The following MTURN variants were observed in gnomAD, a reference collection of about 807,000 sequenced individuals.
The protein encoded by MTURN is maturin, neural progenitor differentiation regulator homolog.
In MTURN, 7 loss-of-function variants were observed where a neutral mutation model predicts 14.9. That is an observed-to-expected ratio of 0.47 (90% CI 0.27 to 0.88). The LOEUF (loss-of-function observed/expected upper bound fraction) is 0.88. Among genes scored for constraint, MTURN ranks in the 40% least tolerant of loss-of-function variants. The pLI is 0.14. For missense variants in MTURN, 151 were observed against 174.1 expected (o/e 0.87, Z 0.75); for synonymous variants, 69 against 72.5 (o/e 0.95, Z 0.25).
At chr7:30,152,165 T>C (rs75882803) in intron 2 of MTURN, among the ~76,000 whole-genome samples, 1 of 144,690 alleles carries the variant, frequency 6.9e-6, no homozygotes, top group Non-Finnish European at 1.5e-5. Flanking sequence ...TTTTTTTTTT[T>C]CTCATTCATG....
Position 30,150,429 on chromosome 7 carries a change from C to T in MTURN, c.285+4130C>T, listed in dbSNP as rs77600187. ...AAGCATTCACTGAGTACCTGATCCA[C>T]ACGACTCACTGTGCTAGAGGCTAGG... is the stretch of plus-strand genomic sequence containing the variant. On this transcript the variant is annotated intron_variant, in intron 2 of 2. Coordinates refer to ENST00000324453, the MANE Select transcript of MTURN (RefSeq NM_152793.3). Among the ~76,000 whole-genome samples the T allele has an allele frequency of 2.1e-3, 314 of 152,354 alleles. 7 individuals carry two copies. In the East Asian group the frequency reaches 0.035, roughly 17 times the overall value.
chr7:30,156,508 T>C (rs540801051), intron 2 of MTURN, among the ~76,000 whole-genome samples: 1 of 151,912 alleles, frequency 6.6e-6, no homozygotes, highest in African/African-American at 2.4e-5. Context: ...CTATTAAAAA[T>C]ATATATATAC....
intron 1 of MTURN, chr7:30,137,123 A>G (rs544145315): frequency 6.5e-5 from 10 of 153,852 alleles, no homozygotes; most frequent in Admixed American, 3.8e-4. Context: ...AGTGTGAGAA[A>G]GCCCCCAGGA....
rs779819077 is a variant in MTURN, at chr7:30,135,312, G to A, written c.162+14G>A. The A allele has an allele frequency of 5.3e-6, 8 of 1,511,220 alleles. No homozygotes were observed. In the African/African-American group the frequency reaches 5.8e-5, roughly 11 times the overall value. The allele number at this position is 1,511,220 out of a possible 1,614,324, so 93.6% of individuals were successfully genotyped here. A position where few individuals can be genotyped will look rare whatever the true frequency, so the allele number is the denominator to read the frequency against. ...GGCGACAATTTTGTGAGTGCCTGGAGGAGGGACCGCCGGAGCCGGCGGGAG... is the reference window on the plus strand; with the variant it reads ...GGCGACAATTTTGTGAGTGCCTGGAAGAGGGACCGCCGGAGCCGGCGGGAG... On this transcript the variant is annotated intron_variant, in intron 1 of 2. Coordinates refer to ENST00000324453, the MANE Select transcript of MTURN (RefSeq NM_152793.3).
At chr7:30,135,770 C>T (rs1490994237) in intron 1 of MTURN, among the ~76,000 whole-genome samples, 1 of 152,216 alleles carries the variant, frequency 6.6e-6, no homozygotes, top group Non-Finnish European at 1.5e-5. Context: ...AGGAATCCCG[C>T]TCCCCTCCGG....
intron 1 of MTURN, among the ~76,000 whole-genome samples, chr7:30,140,303 C>G (rs887018602): frequency 6.6e-6 from 1 of 151,652 alleles, no homozygotes; most frequent in African/African-American, 2.4e-5. Context: ...CTCCTCAGCA[C>G]AAAAACAAAG....
In MTURN at chr7:30,157,443, G is replaced by A; in HGVS notation, c.291G>A (p.Leu97=). The A allele has an allele frequency of 6.3e-7, 1 of 1,596,630 alleles. No individual in the cohort carries two copies. The highest frequency in any genetic ancestry group is 8.5e-7 in the Non-Finnish European group (1 of 1,172,814). The change falls in exon 3 of 3, where the codon CTG becomes CTA. Residue 97 remains leucine (L), a synonymous_variant. Coordinates refer to ENST00000324453, the MANE Select transcript of MTURN (RefSeq NM_152793.3). ...CTCTTGTTCTCTCCCTGTAGTTACT[G>A]GGGCTTCCGGATGCAGATGACGATG... is the stretch of plus-strand genomic sequence containing the variant. ...EKVFKSFRPL[L]GLPDADDDAF...
intron 1 of MTURN, chr7:30,137,642 T>C (rs1240457844): frequency 4.2e-6 from 2 of 471,226 alleles, no homozygotes; most frequent in Admixed American, 2.3e-5. Context: ...ATGGACAAGA[T>C]GCCAACCTCG....
chr7:30,142,123 G>T (rs1797060856), intron 1 of MTURN, among the ~76,000 whole-genome samples: 1 of 152,146 alleles, frequency 6.6e-6, no homozygotes, highest in South Asian at 2.1e-4. Context: ...TGATAAACTG[G>T]ATATTCCGAT....
intron 1 of MTURN, 129 bp from the exon 2 acceptor site, chr7:30,146,048 T>G (rs1797124090): frequency 1.3e-6 from 2 of 1,590,610 alleles, no homozygotes; most frequent in African/African-American, 2.7e-5. Flanking sequence ...TGTATGAATT[T>G]TACTGTAGAA....
intron 1 of MTURN, chr7:30,145,823 T>C (rs1326429206): frequency 3.3e-6 from 5 of 1,529,134 alleles, no homozygotes; most frequent in Non-Finnish European, 4.4e-6. Flanking sequence ...GCAAAGGCTC[T>C]GGTTTCTCCT....
chr7:30,153,709 T>TTTTTATTTTATTTTA (rs548142079), intron 2 of MTURN, among the ~76,000 whole-genome samples: 2 of 152,062 alleles, frequency 1.3e-5, no homozygotes, highest in African/African-American at 4.8e-5. Context: ...CCAAACCCCC[T>TTTTTATTTTATTTTA]TTTTATTTTA....
At chr7:30,144,591 G>A (rs1012023422) in intron 1 of MTURN, among the ~76,000 whole-genome samples, 6 of 152,146 alleles carry the variant, frequency 3.9e-5, no homozygotes, top group Non-Finnish European at 8.8e-5. Context: ...ATTGGGTTGG[G>A]GAAGCCTCTA....
At chr7:30,135,936 C>G (rs1413226615) in intron 1 of MTURN, among the ~76,000 whole-genome samples, 1 of 152,264 alleles carries the variant, frequency 6.6e-6, no homozygotes, top group African/African-American at 2.4e-5. Flanking sequence ...CACCCCGGAT[C>G]TTAATACGCA....
chr7:30,153,197 G>A (rs550477536), intron 2 of MTURN, among the ~76,000 whole-genome samples: 146 of 152,144 alleles, frequency 9.6e-4, no homozygotes, highest in Non-Finnish European at 1.6e-3. Flanking sequence ...CTTGACTGTT[G>A]AAAATTGGGA....
rs552689619 is a variant in MTURN at position 30,134,995 on chromosome 7, C to T, written c.-142C>T. On this transcript the variant is annotated 5_prime_UTR_variant, in exon 1 of 3. Coordinates refer to ENST00000324453, the MANE Select transcript of MTURN (RefSeq NM_152793.3). The stretch of plus-strand genomic sequence containing the variant: ...GGCCGCCGCCCGCCCCACTCCGCAC[C>T]GCATGTAAACAGTCCCAGCCGGCCC... 6.5e-6 allele frequency: 4 copies of T among 616,066 alleles called. No homozygotes were observed. Among genetic ancestry groups the T allele is most frequent in the Non-Finnish European group, 8.2e-6 (4 of 486,464 alleles). 38.2% of individuals were successfully genotyped at this position (616,066 alleles called of 1,614,324 possible).
intron 2 of MTURN, among the ~76,000 whole-genome samples, chr7:30,152,019 G>C (rs757947172): frequency 6.6e-6 from 1 of 152,188 alleles, no homozygotes; most frequent in Non-Finnish European, 1.5e-5. Context: ...TCAAGAGCCT[G>C]GAAAAGAGAA....
chr7:30,152,068 A>G (rs1412551480), intron 2 of MTURN, among the ~76,000 whole-genome samples: 1 of 152,230 alleles, frequency 6.6e-6, no homozygotes, highest in African/African-American at 2.4e-5. Flanking sequence ...TGGATCAGGG[A>G]AAGTCTGATG....
intron 2 of MTURN, among the ~76,000 whole-genome samples, chr7:30,152,673 AC>A (rs1211829133): frequency 6.6e-6 from 1 of 152,116 alleles, no homozygotes; most frequent in Non-Finnish European, 1.5e-5. Context: ...GGGTACAGAC[AC>A]CACCTCCCCT....
Sources: allele counts gnomAD v4.1 joint callset (sites outside exome capture counted in the v4.1 genomes callset), GRCh38; gene constraint gnomAD v4.1.1; transcripts MANE v1.5; gene names NCBI Gene and HGNC (gene_info 2026-07-23, HGNC 2026-07-21).